The following RNF216 variants were observed in gnomAD, a reference collection of about 807,000 sequenced individuals.
RNF216 encodes the protein E3 ubiquitin-protein ligase RNF216.
RNF216 carries 72 observed loss-of-function variants against 110.8 expected under a neutral mutation model. That is an observed-to-expected ratio of 0.65 (90% CI 0.54 to 0.79). The LOEUF (loss-of-function observed/expected upper bound fraction) is 0.79. RNF216 is among the 30% of genes least tolerant of loss of function. The pLI is 0.00. For missense variants in RNF216, 1,342 were observed against 1,141.2 expected, an observed-to-expected ratio of 1.18 and a Z score of -2.54; for synonymous variants, 495 against 407.5, an observed-to-expected ratio of 1.21 and a Z score of -2.59.
chr7:5,721,231 C>G, intron 8 of RNF216, 59 bp from the exon 9 acceptor site: 1 of 1,468,542 alleles, frequency 6.8e-7, no homozygotes, highest in Non-Finnish European at 9.4e-7. Flanking sequence ...GAACCTGGGC[C>G]AGCCATGTCC....
At chr7:5,740,104 C>CTTTTTTTTTTTTTTTT (rs71004698) in intron 4 of RNF216, among the ~76,000 whole-genome samples, 12 of 118,502 alleles carry the variant, frequency 1.0e-4, no homozygotes, top group Non-Finnish European at 2.1e-4. Flanking sequence ...GATGTAACAC[C>CTTTTTTTTTTTTTTTT]TTTTTTTTTT....
chr7:5,704,267 C>A (rs142626701), intron 13 of RNF216, among the ~76,000 whole-genome samples: 29 of 152,106 alleles, frequency 1.9e-4, no homozygotes, highest in Non-Finnish European at 3.5e-4. Context: ...CATTTCAGAG[C>A]GACAAGTTCC....
At chr7:5,664,174 G>T (rs891095672) in intron 13 of RNF216, among the ~76,000 whole-genome samples, 2 of 151,918 alleles carry the variant, frequency 1.3e-5, no homozygotes, top group Non-Finnish European at 2.9e-5. Context: ...CTTTCCATGG[G>T]CAAAAAAAGC....
intron 13 of RNF216, among the ~76,000 whole-genome samples, chr7:5,677,978 T>G (rs564755013): frequency 6.6e-6 from 1 of 152,296 alleles, no homozygotes; most frequent in Non-Finnish European, 1.5e-5. Context: ...CACAGTGATC[T>G]TTCCAGGGGG....
chr7:5,766,460 G>A (rs1021064440), intron 1 of RNF216, among the ~76,000 whole-genome samples: 10 of 151,822 alleles, frequency 6.6e-5, no homozygotes, highest in African/African-American at 1.9e-4. Context: ...ATGAAGTCAT[G>A]GAGGTTGGGC....
intron 1 of RNF216, among the ~76,000 whole-genome samples, chr7:5,771,896 TGAAA>T (rs956565744): frequency 2.0e-5 from 3 of 151,912 alleles, no homozygotes; most frequent in Non-Finnish European, 4.4e-5. Context: ...AATAAATAAA[TGAAA>T]AAGTGTCCAA....
intron 13 of RNF216, among the ~76,000 whole-genome samples, chr7:5,659,458 A>AG (rs1199597178): frequency 2.0e-5 from 3 of 152,292 alleles, no homozygotes; most frequent in African/African-American, 7.2e-5. Context: ...ATGCTGAGAA[A>AG]GTCAGTATGG....
chr7:5,677,485 C>G (rs962786977), intron 13 of RNF216, among the ~76,000 whole-genome samples: 1 of 152,168 alleles, frequency 6.6e-6, no homozygotes, highest in African/African-American at 2.4e-5. Context: ...AATAAAAGAT[C>G]CAAGCCATAT....
chr7:5,627,137 T>G (rs1261645474), intron 15 of RNF216, among the ~76,000 whole-genome samples: 1 of 152,198 alleles, frequency 6.6e-6, no homozygotes, highest in African/African-American at 2.4e-5. Context: ...CATTCCAACC[T>G]CTGTAGCACA....
At chr7:5,660,228 T>G (rs536708179) in intron 13 of RNF216, among the ~76,000 whole-genome samples, 1 of 142,606 alleles carries the variant, frequency 7.0e-6, no homozygotes, top group Admixed American at 7.4e-5. Context: ...GTTGGGATTA[T>G]AAATATGAGC....
At chr7:5,765,787 CAAAAAA>C (rs56903968) in intron 1 of RNF216, among the ~76,000 whole-genome samples, 96 of 123,212 alleles carry the variant, frequency 7.8e-4, no homozygotes, top group Middle Eastern at 4.2e-3. Flanking sequence ...TACTAAAATA[CAAAAAA>C]AAAAAAAAAA....
intron 8 of RNF216, among the ~76,000 whole-genome samples, chr7:5,722,463 C>G (rs1340224729): frequency 2.0e-5 from 3 of 150,936 alleles, no homozygotes; most frequent in Non-Finnish European, 4.4e-5. Context: ...GATCTCGGCT[C>G]ACTGTCAGCT....
At chr7:5,734,305 G>C (rs1794263171) in intron 5 of RNF216, among the ~76,000 whole-genome samples, 1 of 152,102 alleles carries the variant, frequency 6.6e-6, no homozygotes. Context: ...TACCCTACAT[G>C]AATAAACTTA....
intron 15 of RNF216, among the ~76,000 whole-genome samples, chr7:5,638,763 A>G (rs1787555721): frequency 6.6e-6 from 1 of 151,238 alleles, no homozygotes; most frequent in African/African-American, 2.4e-5. Flanking sequence ...TCAGCCTCCC[A>G]AGTAGCTATG....
intron 1 of RNF216, chr7:5,777,423 G>A (rs1222563738): frequency 6.6e-6 from 1 of 152,162 alleles, no homozygotes; most frequent in Non-Finnish European, 1.5e-5. Context: ...AAATCAACCT[G>A]GCTGCAATGT....
Position 5,740,998 on chromosome 7 carries a change from A to T in RNF216, c.1019T>A (p.Leu340His), listed in dbSNP as rs1794721262. The T allele has an allele frequency of 6.2e-7, 1 of 1,606,454 alleles. No homozygotes were observed. The highest frequency in any genetic ancestry group is 8.5e-7 in the Non-Finnish European group (1 of 1,177,802). The change falls in exon 4 of 17, where the codon CTC becomes CAC. Residue 340 changes from leucine (L) to histidine (H), a missense_variant. Leu to His is a moderately conservative substitution (Grantham distance 99). Transcript: ENST00000389902. ...GQEAAEVDQELVELLVKETEA... is the reference protein window; with the variant it reads ...GQEAAEVDQEHVELLVKETEA... ...CGTTTCTTTCACTAGTAGTTCAACG[A>T]GCTCTTGATCTACCTCTGCAGCTTC...
At chr7:5,757,838 C>G (rs1483504904) in intron 2 of RNF216, among the ~76,000 whole-genome samples, 2 of 152,066 alleles carry the variant, frequency 1.3e-5, no homozygotes, top group Non-Finnish European at 2.9e-5. Flanking sequence ...AACAAAACTA[C>G]AGAGGTTGAT....
At chr7:5,665,221 T>G (rs1028018175) in intron 13 of RNF216, among the ~76,000 whole-genome samples, 1 of 152,118 alleles carries the variant, frequency 6.6e-6, no homozygotes, top group African/African-American at 2.4e-5. Flanking sequence ...GTACAGTAAA[T>G]CATCTCTCAA....
At chr7:5,718,137 T>A (rs553727767) in intron 9 of RNF216, among the ~76,000 whole-genome samples, 14 of 152,148 alleles carry the variant, frequency 9.2e-5, no homozygotes, top group Non-Finnish European at 1.2e-4. Flanking sequence ...TCCCAGCACT[T>A]TGGGAGGCCA....
Sources: allele counts gnomAD v4.1 joint callset (sites outside exome capture counted in the v4.1 genomes callset), GRCh38; gene constraint gnomAD v4.1.1; transcripts MANE v1.5; gene names NCBI Gene and HGNC (gene_info 2026-07-23, HGNC 2026-07-21).